Variants in ZNF407 observed in about 807,000 individuals in gnomAD.
ZNF407 encodes the protein zinc finger protein 407.
Under a neutral mutation model 131.2 loss-of-function variants are expected in ZNF407, and 17 were observed. The ratio of observed to expected loss-of-function variants is 0.13; its 90% CI spans 0.09 to 0.19. The LOEUF (loss-of-function observed/expected upper bound fraction) is 0.19. Ranked by LOEUF, ZNF407 falls within the 10% of genes least tolerant of loss-of-function variation. ZNF407 has a pLI of 1.00. For synonymous variants in ZNF407, 1,156 were observed against 1,062.0 expected, an observed-to-expected ratio of 1.09 and a Z score of -1.72; for missense variants, 2,681 against 2,830.6, an observed-to-expected ratio of 0.95 and a Z score of 1.20.
chr18:74,775,367 C>T (rs186912053), intron 3 of ZNF407, among the ~76,000 whole-genome samples: 1 of 152,232 alleles, frequency 6.6e-6, no homozygotes, highest in East Asian at 1.9e-4. Context: ...GATCATAGTT[C>T]AACTGTGTTA....
intron 3 of ZNF407, among the ~76,000 whole-genome samples, chr18:74,676,665 A>T (rs1986399535): frequency 1.3e-5 from 2 of 151,156 alleles, no homozygotes; most frequent in East Asian, 2.0e-4. Flanking sequence ...CGATCTCCTG[A>T]CCTCGTGATC....
chr18:74,876,671 T>C (rs1414279166), intron 4 of ZNF407, among the ~76,000 whole-genome samples: 1 of 152,256 alleles, frequency 6.6e-6, no homozygotes, highest in African/African-American at 2.4e-5. Flanking sequence ...CGAACCTTTT[T>C]ATGTACCCAC....
At position 74,630,951 on chromosome 18, in the gene ZNF407, T is replaced by C; in HGVS notation, c.-53-16T>C. On this transcript the variant is annotated splice_polypyrimidine_tract_variant and intron_variant, in intron 1 of 8. Transcript: ENST00000299687. ...TTTATATTCAAGATTTAATACCATGTTTGTTTACTTCACAGGTTATGAGTG... is the reference window on the plus strand; with the variant it reads ...TTTATATTCAAGATTTAATACCATGCTTGTTTACTTCACAGGTTATGAGTG... The C allele has an allele frequency of 6.7e-7, 1 of 1,491,242 alleles. No individual in the cohort carries two copies. 92.4% of individuals were successfully genotyped at this position (1,491,242 alleles called of 1,614,324 possible).
At chr18:74,859,562 T>C (rs1970908350) in intron 4 of ZNF407, among the ~76,000 whole-genome samples, 1 of 152,172 alleles carries the variant, frequency 6.6e-6, no homozygotes, top group South Asian at 2.1e-4. Flanking sequence ...GAAAGATAAT[T>C]AAGGAGGAAG....
At chr18:74,936,808 A>G (rs1213459547) in intron 8 of ZNF407, among the ~76,000 whole-genome samples, 1 of 152,242 alleles carries the variant, frequency 6.6e-6, no homozygotes, top group East Asian at 1.9e-4. Context: ...AATATTTCCA[A>G]ATAATTAATG....
Position 75,064,457 on chromosome 18 carries a change from C to G in ZNF407, c.6736C>G (p.Gln2246Glu). The change falls in exon 9 of 9, where the codon CAG (glutamine) becomes GAG (glutamate). Residue 2246 changes from glutamine to glutamate, a missense_variant. By Grantham distance (29) the Gln-to-Glu change is conservative. This residue lies in a region of ZNF407 where 620 missense variants were observed against 583.1 expected (regional missense o/e 1.06). Coordinates refer to ENST00000299687, the MANE Select transcript of ZNF407 (RefSeq NM_017757.3). ...IQSQRESSEL[Q>E]EA ...GAGCCAAAGAGAAAGCAGCGAACTC[C>G]AGGAAGCATGAGACGCGCGGCACCT... 2 of 1,489,620 alleles carry G rather than the reference C, an allele frequency of 1.3e-6. No homozygotes were observed. Among genetic ancestry groups the G allele is most frequent in the Non-Finnish European group, 9.0e-7 (1 of 1,117,076 alleles). The allele number at this position is 1,489,620 out of a possible 1,614,324, so 92.3% of individuals were successfully genotyped here. A position where few individuals can be genotyped will look rare whatever the true frequency, so the allele number is the denominator to read the frequency against.
At chr18:74,828,702 A>C (rs1970442599) in intron 4 of ZNF407, among the ~76,000 whole-genome samples, 1 of 129,942 alleles carries the variant, frequency 7.7e-6, no homozygotes, top group Non-Finnish European at 1.8e-5. Flanking sequence ...AGAAACCTAG[A>C]GTGGGAGCCA....
intron 8 of ZNF407, among the ~76,000 whole-genome samples, chr18:75,006,788 G>C (rs1368427043): frequency 6.6e-6 from 1 of 152,144 alleles, no homozygotes; most frequent in Non-Finnish European, 1.5e-5. Context: ...AATACTGAGA[G>C]AGGCATGTTG....
chr18:74,610,721 G>C (rs1043342450), intron 1 of ZNF407, among the ~76,000 whole-genome samples: 5 of 151,806 alleles, frequency 3.3e-5, no homozygotes, highest in Non-Finnish European at 7.4e-5. Flanking sequence ...GCTAATTTCT[G>C]CTTTTTTTTT....
chr18:75,027,040 G>A (rs1973179725), intron 8 of ZNF407, among the ~76,000 whole-genome samples: 1 of 152,238 alleles, frequency 6.6e-6, no homozygotes, highest in Non-Finnish European at 1.5e-5. Flanking sequence ...AAAGCAGTAT[G>A]TGGCCTGCGA....
At chr18:74,830,431 C>T (rs12606407) in intron 4 of ZNF407, among the ~76,000 whole-genome samples, 29 of 152,212 alleles carry the variant, frequency 1.9e-4, no homozygotes, top group Non-Finnish European at 2.9e-4. Flanking sequence ...TACAGGACCA[C>T]GCCACCATGC....
intron 8 of ZNF407, among the ~76,000 whole-genome samples, chr18:74,940,429 A>G (rs896198046): frequency 7.9e-5 from 12 of 152,112 alleles, no homozygotes; most frequent in Admixed American, 2.6e-4. Flanking sequence ...GGCCATTAGT[A>G]TTATCTGGGG....
intron 4 of ZNF407, among the ~76,000 whole-genome samples, chr18:74,810,569 C>A (rs1444512071): frequency 6.6e-6 from 1 of 152,142 alleles, no homozygotes; most frequent in Non-Finnish European, 1.5e-5. Context: ...GGCATGATAA[C>A]ACTTTTATTT....
chr18:74,971,237 A>ATCTCT (rs538642217), intron 8 of ZNF407, among the ~76,000 whole-genome samples: 236 of 152,284 alleles, frequency 1.5e-3, no homozygotes, highest in Non-Finnish European at 2.6e-3. Context: ...CATGGCCTGG[A>ATCTCT]GACATTTTCC....
At chr18:74,877,910 C>A (rs1971181780) in intron 5 of ZNF407, among the ~76,000 whole-genome samples, 1 of 152,172 alleles carries the variant, frequency 6.6e-6, no homozygotes, top group Admixed American at 6.5e-5. Context: ...TACAAAGACA[C>A]TAATCCGCAT....
intron 4 of ZNF407, among the ~76,000 whole-genome samples, chr18:74,833,880 TG>T (rs1970519807): frequency 2.0e-5 from 3 of 152,118 alleles, no homozygotes; most frequent in Non-Finnish European, 4.4e-5. Context: ...TTGGGGACTG[TG>T]AGGTAGGATC....
intron 4 of ZNF407, among the ~76,000 whole-genome samples, chr18:74,806,035 A>G (rs571310884): frequency 5.1e-4 from 77 of 152,322 alleles, no homozygotes; most frequent in Non-Finnish European, 9.0e-4. Context: ...GAGTTTTTAA[A>G]TGATTTATCC....
intron 4 of ZNF407, among the ~76,000 whole-genome samples, chr18:74,791,304 G>T (rs1387903371): frequency 6.6e-6 from 1 of 152,190 alleles, no homozygotes; most frequent in Non-Finnish European, 1.5e-5. Context: ...TTTCATATGA[G>T]TCAAACTAAT....
intron 4 of ZNF407, among the ~76,000 whole-genome samples, chr18:74,865,045 A>G (rs1225868440): frequency 2.6e-5 from 4 of 152,296 alleles, no homozygotes; most frequent in African/African-American, 9.6e-5. Context: ...GCATCTGTGA[A>G]TACTTGAACC....
Sources: allele counts gnomAD v4.1 joint callset (sites outside exome capture counted in the v4.1 genomes callset), GRCh38; gene constraint gnomAD v4.1.1; regional missense constraint gnomAD v4.1.1; transcripts MANE v1.5; gene names NCBI Gene and HGNC (gene_info 2026-07-23, HGNC 2026-07-21).